TRPM7: variants seen among roughly 807,000 people sequenced by gnomAD.
TRPM7 encodes the protein transient receptor potential cation channel subfamily M member 7, also known as LTRPC ion channel family member 7.
In TRPM7, 134 loss-of-function variants were observed where a neutral mutation model predicts 229.7. The observed-to-expected ratio is 0.58, with a 90% confidence interval of 0.51 to 0.67. The LOEUF (loss-of-function observed/expected upper bound fraction) is 0.67. Ranked by LOEUF, TRPM7 falls within the 30% of genes least tolerant of loss-of-function variation. TRPM7 has a pLI of 0.00. For synonymous variants in TRPM7, 699 were observed against 715.2 expected (o/e 0.98, Z 0.36); for missense variants, 1,901 against 2,210.0 (o/e 0.86, Z 2.80).
At chr15:50,618,612 T>TAAAC (rs1384741437) in intron 13 of TRPM7, among the ~76,000 whole-genome samples, 43 of 97,882 alleles carry the variant, frequency 4.4e-4, no homozygotes, top group African/African-American at 1.4e-3. Context: ...AATAAATAAA[T>TAAAC]AAACGTATGT....
intron 36 of TRPM7, among the ~76,000 whole-genome samples, chr15:50,573,831 C>T (rs953685837): frequency 6.6e-5 from 10 of 152,184 alleles, no homozygotes; most frequent in Middle Eastern, 3.4e-3. Flanking sequence ...GAGGCTGAGG[C>T]GGGCAGATCA....
chr15:50,679,741 G>T (rs1050015405), intron 1 of TRPM7, among the ~76,000 whole-genome samples: 9 of 150,742 alleles, frequency 6.0e-5, no homozygotes, highest in Non-Finnish European at 1.0e-4. Flanking sequence ...ATCTACGTTG[G>T]CCAGGCTGGT....
intron 4 of TRPM7, among the ~76,000 whole-genome samples, chr15:50,648,016 G>A (rs1281774846): frequency 6.6e-6 from 1 of 152,130 alleles, no homozygotes; most frequent in Non-Finnish European, 1.5e-5. Flanking sequence ...CTAGCCTCAA[G>A]CCATCCTTCC....
chr15:50,643,337 T>C lies in TRPM7; in HGVS notation c.535+3A>G. The C allele has an allele frequency of 1.9e-6, 3 of 1,611,632 alleles. No homozygotes were observed. The highest frequency in any genetic ancestry group is 2.5e-6 in the Non-Finnish European group (3 of 1,177,892). On this transcript the variant is annotated splice_donor_region_variant and intron_variant, in intron 5 of 38. Coordinates refer to ENST00000646667, the MANE Select transcript of TRPM7 (RefSeq NM_017672.6). ...AATAAAATTGGTATAATCATCACAT[T>C]ACCTGTGTTTACTCCTCCAGTTAAA...
At chr15:50,587,461 T>C (rs28699274) in intron 27 of TRPM7, among the ~76,000 whole-genome samples, 9,365 of 147,412 alleles carry the variant, frequency 0.064, 460 homozygotes, top group African/African-American at 0.13. Flanking sequence ...AAAAAAGTTG[T>C]TTAAATCAAA....
At chr15:50,676,929 A>G (rs944882623) in intron 1 of TRPM7, among the ~76,000 whole-genome samples, 2 of 152,158 alleles carry the variant, frequency 1.3e-5, no homozygotes, top group African/African-American at 4.8e-5. Context: ...GGCAGCCTCC[A>G]GGCAGCCCAG....
At chr15:50,635,108 G>A (rs1186731434) in intron 7 of TRPM7, among the ~76,000 whole-genome samples, 1 of 151,686 alleles carries the variant, frequency 6.6e-6, no homozygotes, top group East Asian at 1.9e-4. Context: ...ACAAGGTCAG[G>A]AGATCAAGAC....
intron 36 of TRPM7, 150 bp downstream of exon 36, chr15:50,574,124 T>A (rs1566941310): frequency 4.7e-6 from 3 of 636,410 alleles, no homozygotes; most frequent in Non-Finnish European, 8.1e-6. Flanking sequence ...CCCTGATGGC[T>A]ATATGCTATG....
intron 20 of TRPM7, among the ~76,000 whole-genome samples, chr15:50,606,620 T>G (rs576232382): frequency 1.2e-3 from 177 of 152,168 alleles, no homozygotes; most frequent in Non-Finnish European, 1.9e-3. Flanking sequence ...TGCCTCAGTC[T>G]TCCAAGTAGC....
chr15:50,675,836 A>C (rs149702562), intron 1 of TRPM7, among the ~76,000 whole-genome samples: 1,535 of 152,336 alleles, frequency 0.01, 33 homozygotes, highest in African/African-American at 0.035. Context: ...GGGAATCTTA[A>C]AGATCAGTTG....
chr15:50,681,755 T>C (rs1471675877), intron 1 of TRPM7, among the ~76,000 whole-genome samples: 1 of 152,208 alleles, frequency 6.6e-6, no homozygotes, highest in Non-Finnish European at 1.5e-5. Flanking sequence ...AGTTAAGGTG[T>C]TATGTTATTG....
chr15:50,585,107 T>C (rs1247655292), intron 28 of TRPM7, among the ~76,000 whole-genome samples: 1 of 138,164 alleles, frequency 7.2e-6, no homozygotes, highest in Non-Finnish European at 1.5e-5. Context: ...CAGGCCGGAC[T>C]GCAGACTGCA....
At chr15:50,672,460 G>A (rs1273765044) in intron 1 of TRPM7, among the ~76,000 whole-genome samples, 1 of 151,840 alleles carries the variant, frequency 6.6e-6, no homozygotes, top group African/African-American at 2.4e-5. Context: ...CTCCATTCAT[G>A]TTATTGTCCC....
intron 26 of TRPM7, among the ~76,000 whole-genome samples, chr15:50,591,225 C>G (rs1415767274): frequency 6.6e-6 from 1 of 151,846 alleles, no homozygotes; most frequent in Middle Eastern, 3.2e-3. Flanking sequence ...AATAGTGCAC[C>G]CTTTCACTTT....
In TRPM7 at chr15:50,634,371, C is replaced by T. The variant is rs772189778; in HGVS notation, c.1007+11G>A. ...TAAATAAAATTAATTAAAATGTTGT[C>T]ATACACTTACCCTCCTTCTTCTGTT... On this transcript the variant is annotated intron_variant, in intron 8 of 38. Transcript: ENST00000646667. 2 of 1,520,574 alleles carry T rather than the reference C, an allele frequency of 1.3e-6. No individual in the cohort carries two copies. Among genetic ancestry groups the T allele is most frequent in the Admixed American group, 2.3e-5 (1 of 43,438 alleles). The allele number at this position is 1,520,574 out of a possible 1,614,324, so 94.2% of individuals were successfully genotyped here. A position where few individuals can be genotyped will look rare whatever the true frequency, so the allele number is the denominator to read the frequency against.
At chr15:50,656,309 T>G (rs1031428502) in intron 3 of TRPM7, among the ~76,000 whole-genome samples, 1 of 152,032 alleles carries the variant, frequency 6.6e-6, no homozygotes, top group African/African-American at 2.4e-5. Flanking sequence ...TTGTTTGTTT[T>G]TTTTTCTGGA....
chr15:50,678,553 CA>C lies in TRPM7; in HGVS notation c.3+7977del, dbSNP rs2062156537. ...ATATATATATATATACACACACACACACATATACATAATTTTATTATGTCAC... is the reference window on the plus strand; with the variant it reads ...ATATATATATATATACACACACACACCATATACATAATTTTATTATGTCAC... On this transcript the variant is annotated intron_variant, in intron 1 of 38. Coordinates refer to ENST00000646667, the MANE Select transcript of TRPM7 (RefSeq NM_017672.6). Among the ~76,000 whole-genome samples, 3 of 147,858 alleles carry C rather than the reference CA, an allele frequency of 2.0e-5. No individual in the cohort carries two copies. In the South Asian group the frequency reaches 6.4e-4, roughly 31 times the overall value.
chr15:50,602,266 A>G (rs1315407222), intron 21 of TRPM7, among the ~76,000 whole-genome samples: 3 of 152,174 alleles, frequency 2.0e-5, no homozygotes, highest in Admixed American at 6.5e-5. Flanking sequence ...CATCATTCTG[A>G]GCAAACTATT....
intron 25 of TRPM7, among the ~76,000 whole-genome samples, chr15:50,593,019 A>G (rs2059544524): frequency 6.6e-6 from 1 of 152,178 alleles, no homozygotes; most frequent in Non-Finnish European, 1.5e-5. Context: ...GGCCAGGCAC[A>G]GTGGCTCACG....
Sources: gnomAD v4.1 joint callset for allele counts (sites outside exome capture counted in the v4.1 genomes callset) on GRCh38, gnomAD v4.1.1 for gene constraint, MANE v1.5 for transcripts, NCBI Gene and HGNC (gene_info 2026-07-23, HGNC 2026-07-21) for gene names.